STK33: variants seen among roughly 807,000 people sequenced by gnomAD.
STK33 encodes the protein serine/threonine kinase 33.
Under a neutral mutation model 58.0 loss-of-function variants are expected in STK33, and 52 were observed. The observed-to-expected ratio is 0.90, with a 90% CI of 0.72 to 1.13. The LOEUF (loss-of-function observed/expected upper bound fraction) is 1.13, where lower values mean the gene tolerates loss of function less well. Ranked by LOEUF, STK33 falls within the 50% of genes most tolerant of loss-of-function variation. STK33 has a pLI of 0.00. For synonymous variants in STK33, 215 were observed against 200.1 expected (o/e 1.07, Z -0.63); for missense variants, 630 against 604.2 (o/e 1.04, Z -0.45).
At chr11:8,552,617 A>C (rs1221917440) in intron 1 of STK33, among the ~76,000 whole-genome samples, 1 of 152,004 alleles carries the variant, frequency 6.6e-6, no homozygotes, top group East Asian at 1.9e-4. Flanking sequence ...TCTTGTTAAA[A>C]ACTAAGACAC....
chr11:8,475,091 T>A, intron 4 of STK33, 25 bp from the exon 5 acceptor site: 1 of 483,632 alleles, frequency 2.1e-6, no homozygotes, highest in Non-Finnish European at 3.6e-6. Flanking sequence ...GAAATAACCA[T>A]TTAGAGAAAT....
intron 12 of STK33, among the ~76,000 whole-genome samples, chr11:8,438,179 G>A (rs568250879): frequency 6.6e-6 from 1 of 151,990 alleles, no homozygotes; most frequent in Admixed American, 6.6e-5. Flanking sequence ...TCTGTTCTTT[G>A]CAATTTTATT....
At chr11:8,394,160 T>C (rs1480648766) in intron 15 of STK33, among the ~76,000 whole-genome samples, 1 of 152,218 alleles carries the variant, frequency 6.6e-6, no homozygotes, top group African/African-American at 2.4e-5. Flanking sequence ...TTTAAAATTC[T>C]TTAGTATTCC....
chr11:8,377,096 C>A, the STK33 span, among the ~76,000 whole-genome samples: 1 of 152,180 alleles, frequency 6.6e-6, no homozygotes, highest in East Asian at 1.9e-4. Context: ...CTCGACAGTG[C>A]CCCTTTGCAC....
chr11:8,371,100 G>A, the STK33 span, among the ~76,000 whole-genome samples: 3 of 152,164 alleles, frequency 2.0e-5, no homozygotes, highest in Admixed American at 6.5e-5. Context: ...ATGAAGGAAC[G>A]TAATGGGCTA....
intron 11 of STK33, among the ~76,000 whole-genome samples, chr11:8,448,246 T>G (rs1945774706): frequency 6.6e-6 from 1 of 152,178 alleles, no homozygotes; most frequent in Non-Finnish European, 1.5e-5. Context: ...CCCATCAAGC[T>G]ACCAATGACT....
intron 14 of STK33, among the ~76,000 whole-genome samples, chr11:8,417,425 C>T (rs1470131310): frequency 1.3e-5 from 2 of 152,078 alleles, no homozygotes; most frequent in Non-Finnish European, 2.9e-5. Context: ...AATCACATTT[C>T]CTCATCTAAA....
At chr11:8,408,932 C>T (rs932391047) in intron 15 of STK33, among the ~76,000 whole-genome samples, 7 of 152,190 alleles carry the variant, frequency 4.6e-5, no homozygotes, top group African/African-American at 1.7e-4. Flanking sequence ...CCATTGGAGA[C>T]TCAGCATCCA....
intron 1 of STK33, among the ~76,000 whole-genome samples, chr11:8,583,785 CTG>C (rs1290337635): frequency 1.3e-5 from 2 of 152,122 alleles, no homozygotes; most frequent in South Asian, 2.1e-4. Context: ...GTAATTAAGA[CTG>C]TTTAGTTTCC....
chr11:8,482,700 C>T (rs1452691762), intron 1 of STK33, among the ~76,000 whole-genome samples: 1 of 151,798 alleles, frequency 6.6e-6, no homozygotes, highest in African/African-American at 2.4e-5. Flanking sequence ...ACAGCAGTAA[C>T]TATCTTTTTT....
intron 15 of STK33, among the ~76,000 whole-genome samples, chr11:8,405,650 T>A (rs1939000678): frequency 6.6e-6 from 1 of 152,202 alleles, no homozygotes; most frequent in South Asian, 2.1e-4. Flanking sequence ...TGGAAGATAG[T>A]CTCTTATGTT....
chr11:8,538,130 G>A (rs1217829443), intron 1 of STK33, among the ~76,000 whole-genome samples: 1 of 152,058 alleles, frequency 6.6e-6, no homozygotes, highest in East Asian at 1.9e-4. Flanking sequence ...AGAGATTGCA[G>A]TGAGCCAAGA....
rs10840057 is a variant in STK33, at chr11:8,476,681, C to T, written c.-162+6G>A. 3.3e-5 allele frequency: 5 copies of T among 152,158 alleles called. No individual in the cohort carries two copies. The highest frequency in any genetic ancestry group is 2.1e-4 in the South Asian group (1 of 4,824). 9.4% of individuals were successfully genotyped at this position (152,158 alleles called of 1,614,324 possible). A position where few individuals can be genotyped will look rare whatever the true frequency, so the allele number is the denominator to read the frequency against. On this transcript the variant is annotated splice_donor_region_variant and intron_variant, in intron 4 of 15. Transcript: ENST00000687296. Reference sequence around the variant, plus strand: ...AACAACAAGCCCATGCCCTCTCCCCCCTTACCTTGCTTTGTTTTTCTTCAT... The same window carrying T: ...AACAACAAGCCCATGCCCTCTCCCCTCTTACCTTGCTTTGTTTTTCTTCAT...
chr11:8,534,140 T>A (rs556695915), intron 1 of STK33, among the ~76,000 whole-genome samples: 1 of 152,066 alleles, frequency 6.6e-6, no homozygotes, highest in Non-Finnish European at 1.5e-5. Context: ...CCGGGCGTGG[T>A]GGCAGGCGCC....
intron 14 of STK33, among the ~76,000 whole-genome samples, chr11:8,421,681 A>G (rs1941944096): frequency 6.6e-6 from 1 of 152,156 alleles, no homozygotes; most frequent in South Asian, 2.1e-4. Context: ...TTAATTTTTG[A>G]TATTAAGTCT....
rs921685310 is a variant in STK33, at chr11:8,586,375, G to A, written c.-466+7708C>T. 9.9e-5 allele frequency among the ~76,000 whole-genome samples: 15 copies of A among 151,984 alleles called. No individual in the cohort carries two copies. In the South Asian group the frequency reaches 1.2e-3, roughly 13 times the overall value. ...AGACTTACATGCTTTTCCACCTCTAGGCCTTTGAGTCTGCTGCTCCTTCTG... is the reference window on the plus strand; with the variant it reads ...AGACTTACATGCTTTTCCACCTCTAAGCCTTTGAGTCTGCTGCTCCTTCTG... On this transcript the variant is annotated intron_variant, in intron 1 of 15. Coordinates refer to ENST00000687296, the MANE Select transcript of STK33 (RefSeq NM_001352389.2).
chr11:8,421,243 A>G (rs1347631624), intron 14 of STK33, among the ~76,000 whole-genome samples: 2 of 152,146 alleles, frequency 1.3e-5, no homozygotes, highest in East Asian at 1.9e-4. Context: ...ATATTCACCT[A>G]TATTTCCACT....
chr11:8,485,448 A>T (rs1317513731), intron 1 of STK33, among the ~76,000 whole-genome samples: 1 of 152,228 alleles, frequency 6.6e-6, no homozygotes, highest in Non-Finnish European at 1.5e-5. Flanking sequence ...AACTGAACCT[A>T]AAATCAGCAG....
At chr11:8,435,651 A>T in intron 13 of STK33, 72 bp from the exon 14 acceptor site, 1 of 896,352 alleles carries the variant, frequency 1.1e-6, no homozygotes, top group Non-Finnish European at 1.6e-6. Context: ...ACAATTTTTT[A>T]GGATTAGGTC....
Sources: allele counts gnomAD v4.1 joint callset (sites outside exome capture counted in the v4.1 genomes callset), GRCh38; gene constraint gnomAD v4.1.1; transcripts MANE v1.5; gene names NCBI Gene and HGNC (gene_info 2026-07-23, HGNC 2026-07-21).